PEG3: variants seen among roughly 807,000 people sequenced by gnomAD.
PEG3 encodes the protein paternally-expressed gene 3 protein.
In PEG3, 23 loss-of-function variants were observed where a neutral mutation model predicts 35.5. The observed-to-expected ratio is 0.65, with a 90% CI of 0.47 to 0.92. PEG3 has a LOEUF of 0.92. Among genes scored for constraint, PEG3 ranks in the 40% least tolerant of loss-of-function variants. The probability of loss-of-function intolerance (pLI) is 0.00; values close to 1 mark genes in which losing one functional copy is unlikely to be tolerated. For missense variants in PEG3, 1,960 were observed against 1,985.3 expected (o/e 0.99, Z 0.24); for synonymous variants, 707 against 697.0 (o/e 1.01, Z -0.23).
intron 1 of PEG3, among the ~76,000 whole-genome samples, chr19:56,836,955 G>C (rs1041363150): frequency 7.7e-6 from 1 of 130,086 alleles, no homozygotes; most frequent in African/African-American, 3.0e-5. Flanking sequence ...GGGTGAGAGG[G>C]CCAGACTCTG....
chr19:56,815,170 C>A lies in PEG3; in HGVS notation c.3272G>T (p.Gly1091Val), dbSNP rs1289388025. ...CTTCTGAGGGTCTTCCATGTCTGAG[C>A]CTTGAATGACAGGGTCTTCAATTGT... ...QETIEDPVIQ[G>V]SDMEDPQKDD... The change falls in exon 10 of 10, where the codon GGC becomes GTC. Residue 1091 changes from glycine to valine, a missense_variant. By Grantham distance (109) the Gly-to-Val change is moderately radical (BLOSUM62 -3). Transcript: ENST00000326441. 6.2e-7 allele frequency: 1 copy of A among 1,613,938 alleles called. No individual in the cohort carries two copies. Among genetic ancestry groups the A allele is most frequent in the South Asian group, 1.1e-5 (1 of 91,068 alleles).
At chr19:56,823,404 G>A (rs1420482420) in intron 5 of PEG3, among the ~76,000 whole-genome samples, 189 bp downstream of exon 5, 1 of 152,182 alleles carries the variant, frequency 6.6e-6, no homozygotes, top group African/African-American at 2.4e-5. Context: ...TATTTAAGGT[G>A]TCTGTTTAGA....
chr19:56,813,158 G>A lies in PEG3; in HGVS notation c.*517C>T. The stretch of plus-strand genomic sequence containing the variant: ...ACAATAAATCTTTCTCAGGATCTAA[G>A]ACACTTAAAAATATAATCAAATTTG... On this transcript the variant is annotated 3_prime_UTR_variant, in exon 10 of 10. Coordinates refer to ENST00000326441, the MANE Select transcript of PEG3 (RefSeq NM_006210.3). The A allele has an allele frequency of 1.0e-6, 1 of 978,924 alleles. No homozygotes were observed. Among genetic ancestry groups the A allele is most frequent in the Non-Finnish European group, 1.2e-6 (1 of 825,574 alleles). The allele number at this position is 978,924 out of a possible 1,614,324, so 60.6% of individuals were successfully genotyped here. A position where few individuals can be genotyped will look rare whatever the true frequency, so the allele number is the denominator to read the frequency against.
chr19:56,838,691 CAA>C (rs1357141258), intron 1 of PEG3, among the ~76,000 whole-genome samples: 1 of 152,214 alleles, frequency 6.6e-6, no homozygotes, highest in Non-Finnish European at 1.5e-5. Flanking sequence ...GCCGCTAAGG[CAA>C]ACTCTTTAGG....
At chr19:56,819,113 G>A (rs940219480) in intron 7 of PEG3, among the ~76,000 whole-genome samples, 52 of 152,154 alleles carry the variant, frequency 3.4e-4, no homozygotes, top group African/African-American at 1.3e-3. Flanking sequence ...TGGTAAGTGA[G>A]ATTATGACAC....
chr19:56,821,595 G>C (rs553704094), intron 7 of PEG3, 56 bp downstream of exon 7: 16 of 1,595,286 alleles, frequency 1.0e-5, no homozygotes, highest in South Asian at 4.4e-5. Flanking sequence ...AAAGAAAGGC[G>C]TCTCTGCCAT....
At chr19:56,828,522 C>T (rs1296534715) in intron 2 of PEG3, among the ~76,000 whole-genome samples, 3 of 152,158 alleles carry the variant, frequency 2.0e-5, no homozygotes, top group African/African-American at 4.8e-5. Flanking sequence ...CAAACAAATG[C>T]TCAAGCGTAA....
intron 2 of PEG3, among the ~76,000 whole-genome samples, chr19:56,828,226 C>T (rs1178916891): frequency 6.6e-6 from 1 of 152,156 alleles, no homozygotes; most frequent in Non-Finnish European, 1.5e-5. Context: ...CATACCCTAA[C>T]CTGGCCATTA....
chr19:56,826,869 C>T (rs2061093100), intron 2 of PEG3, among the ~76,000 whole-genome samples: 2 of 152,156 alleles, frequency 1.3e-5, no homozygotes, highest in South Asian at 2.1e-4. Context: ...AAGATCTATA[C>T]ACATATATAT....
chr19:56,838,589 G>A (rs780821137), intron 1 of PEG3, among the ~76,000 whole-genome samples: 55 of 152,210 alleles, frequency 3.6e-4, no homozygotes, highest in Admixed American at 2.0e-4. Flanking sequence ...GCAACAACAG[G>A]GGAAGGGGTG....
Position 56,816,874 on chromosome 19 carries a change from T to A in PEG3, c.1568A>T (p.His523Leu), listed in dbSNP as rs763791862. The stretch of plus-strand genomic sequence containing the variant: ...ATAACCTCTAGCATGAATCTTCCGA[T>A]GTTCAGCCAAGGCGGCACTCTTATT... ...TFNKSAALAE[H>L]RKIHARGYLV... Residue 523 changes from histidine to leucine, a missense_variant, in exon 10 of 10, where the codon CAT becomes CTT. By Grantham distance (99) the His-to-Leu change is moderately conservative. This residue lies in a region of PEG3 where 798 missense variants were observed against 782.4 expected (regional missense o/e 1.02). Coordinates refer to ENST00000326441, the MANE Select transcript of PEG3 (RefSeq NM_006210.3). 6.2e-7 allele frequency: 1 copy of A among 1,614,074 alleles called. No individual in the cohort carries two copies. The highest frequency in any genetic ancestry group is 1.1e-5 in the South Asian group (1 of 91,090).
Position 56,815,558 on chromosome 19 carries a change from A to G in PEG3, c.2884T>C (p.Phe962Leu), listed in dbSNP as rs750331528. The G allele has an allele frequency of 1.2e-6, 2 of 1,613,916 alleles. No individual in the cohort carries two copies. Among genetic ancestry groups the G allele is most frequent in the African/African-American group, 2.7e-5 (2 of 74,904 alleles). The change falls in exon 10 of 10, where the codon TTT becomes CTT. Residue 962 changes from phenylalanine (F) to leucine (L), a missense_variant. This residue lies in a region of PEG3 where 798 missense variants were observed against 782.4 expected (regional missense o/e 1.02). Transcript: ENST00000326441. ...TCATAGAGCATCCCTCGAGGGCGAA[A>G]TGTTTGTTCACCAAAAGGCAGAGAG... ...IHSLPFGEQT[F>L]RPRGMLYECQ... is the part of the protein sequence containing the mutation.
chr19:56,814,691 C>G lies in PEG3; in HGVS notation c.3751G>C (p.Asp1251His). 6.2e-7 allele frequency: 1 copy of G among 1,614,008 alleles called. No homozygotes were observed. Among genetic ancestry groups the G allele is most frequent in the Non-Finnish European group, 8.5e-7 (1 of 1,179,950 alleles). Reference protein sequence around the residue: ...NEHMRLHREDDLLEQSQMAEE... With the variant: ...NEHMRLHREDHLLEQSQMAEE... ...GCCATCTGGCTCTGCTCCAGTAAATCATCTTCCCTATGAAGTCTCATATGC... is the reference window on the plus strand; with the variant it reads ...GCCATCTGGCTCTGCTCCAGTAAATGATCTTCCCTATGAAGTCTCATATGC... The change falls in exon 10 of 10, where the codon GAT (aspartate) becomes CAT (histidine). Residue 1251 changes from aspartate to histidine, a missense_variant. Coordinates refer to ENST00000326441, the MANE Select transcript of PEG3 (RefSeq NM_006210.3). The surrounding 1 kb of genome is among the most constrained non-coding windows in gnomAD (Gnocchi z 5.8).
At chr19:56,833,257 C>T in intron 2 of PEG3, 1 of 473,376 alleles carries the variant, frequency 2.1e-6, no homozygotes, top group Non-Finnish European at 4.2e-6. Flanking sequence ...CCATGGTGCA[C>T]CTAGATTCAG....
chr19:56,829,615 G>C (rs1241165870), intron 2 of PEG3, among the ~76,000 whole-genome samples: 1 of 152,208 alleles, frequency 6.6e-6, no homozygotes. Context: ...TTCTCCTGCA[G>C]GGCTACCTGA....
chr19:56,817,210 G>C lies in PEG3; in HGVS notation c.1232C>G (p.Pro411Arg). ...KGSIHDQKGC[P>R]RKKPFECGSE... ...ACCACATTCAAAGGGCTTCTTCCTG[G>C]GACAGCCTTTTTGATCGTGAATCGA... The change falls in exon 10 of 10, where the codon CCC (proline) becomes CGC (arginine). Residue 411 changes from proline (P) to arginine (R), a missense_variant. By Grantham distance (103) the Pro-to-Arg change is moderately radical. Coordinates refer to ENST00000326441, the MANE Select transcript of PEG3 (RefSeq NM_006210.3). 1 of 1,614,144 alleles carries C rather than the reference G, an allele frequency of 6.2e-7. No homozygotes were observed. The highest frequency in any genetic ancestry group is 8.5e-7 in the Non-Finnish European group (1 of 1,180,004).
chr19:56,815,987 G>A lies in PEG3; in HGVS notation c.2455C>T (p.Arg819Cys), dbSNP rs143073381. The change falls in exon 10 of 10, where the codon CGT becomes TGT. Residue 819 changes from arginine (R) to cysteine (C), a missense_variant. Arg to Cys is a radical substitution (Grantham distance 180). Transcript: ENST00000326441. The stretch of plus-strand genomic sequence containing the variant: ...CCTTCAGAGGTGTTCCCTCCAGCAC[G>A]AACTCTCTGATGGTTGATAGCATCG... ...SFDAINHQRV[R>C]AGGNTSEGRE... 2.3e-5 allele frequency: 36 copies of A among 1,583,898 alleles called. No homozygotes were observed. The highest frequency in any genetic ancestry group is 1.8e-5 in the Admixed American group (1 of 56,004).
In PEG3 at chr19:56,811,237, C is replaced by T. The variant is rs2059520604; in HGVS notation, c.*2438G>A. On this transcript the variant is annotated 3_prime_UTR_variant, in exon 10 of 10. Transcript: ENST00000326441. Reference sequence around the variant, plus strand: ...TCAAGAAATTTAAGAAAATAATGCTCAACTATAAGCCTACAACAACAACAC... The same window carrying T: ...TCAAGAAATTTAAGAAAATAATGCTTAACTATAAGCCTACAACAACAACAC... The T allele has an allele frequency of 1.0e-6, 1 of 962,888 alleles. No homozygotes were observed. The highest frequency in any genetic ancestry group is 4.8e-5 in the South Asian group (1 of 20,778). 59.6% of individuals were successfully genotyped at this position (962,888 alleles called of 1,614,324 possible). A position where few individuals can be genotyped will look rare whatever the true frequency, so the allele number is the denominator to read the frequency against.
chr19:56,814,849 T>C lies in PEG3; in HGVS notation c.3593A>G (p.Asp1198Gly), dbSNP rs2059824730. 8 of 1,614,136 alleles carry C rather than the reference T, an allele frequency of 5.0e-6. No homozygotes were observed. The highest frequency in any genetic ancestry group is 6.8e-6 in the Non-Finnish European group (8 of 1,180,032). The stretch of plus-strand genomic sequence containing the variant: ...CATGGGCAAGAGGGCAATAAAACCA[T>C]CATCACACCCCTTCATGGAATACAA... ...DQLYSMKGCD[D>G]GFIALLPMKP... The change falls in exon 10 of 10, where the codon GAT becomes GGT. Residue 1198 changes from aspartate (D) to glycine (G), a missense_variant. Around this residue, in one of 5 missense-constraint regions of PEG3, gnomAD observed 124 missense variants for 179.6 expected, o/e 0.69. Coordinates refer to ENST00000326441, the MANE Select transcript of PEG3 (RefSeq NM_006210.3). This position sits in a 1 kb window ranked among gnomAD's most constrained non-coding sequence, Gnocchi z 5.8.
Sources: gnomAD v4.1 joint callset for allele counts (sites outside exome capture counted in the v4.1 genomes callset) on GRCh38, gnomAD v4.1.1 for gene constraint, gnomAD v4.1.1 regional missense constraint, Gnocchi (gnomAD v3.1) non-coding constraint, MANE v1.5 for transcripts, NCBI Gene and HGNC (gene_info 2026-07-23, HGNC 2026-07-21) for gene names.